Variants in PRDM6 observed in about 807,000 individuals in gnomAD.
PRDM6 encodes the protein putative histone-lysine N-methyltransferase PRDM6.
Under a neutral mutation model 60.8 loss-of-function variants are expected in PRDM6, and 25 were observed. The observed-to-expected ratio is 0.41, with a 90% CI of 0.30 to 0.57. The LOEUF (loss-of-function observed/expected upper bound fraction) is 0.57, where lower values mean the gene tolerates loss of function less well. Ranked by LOEUF, PRDM6 falls within the 20% of genes least tolerant of loss-of-function variation. PRDM6 has a pLI of 0.27. For synonymous variants in PRDM6, 407 were observed against 357.4 expected (o/e 1.14, Z -1.57); for missense variants, 839 against 821.3 (o/e 1.02, Z -0.26).
intron 3 of PRDM6, among the ~76,000 whole-genome samples, chr5:123,127,133 G>A (rs1400980495): frequency 6.6e-6 from 1 of 151,930 alleles, no homozygotes; most frequent in Non-Finnish European, 1.5e-5. Flanking sequence ...CACCTCTTAG[G>A]TTCAAGTGAT....
At chr5:123,132,481 T>C (rs1394846270) in intron 3 of PRDM6, among the ~76,000 whole-genome samples, 1 of 152,126 alleles carries the variant, frequency 6.6e-6, no homozygotes, top group Non-Finnish European at 1.5e-5. Context: ...ATAAGCGCTT[T>C]CTAATGGGTT....
intron 3 of PRDM6, among the ~76,000 whole-genome samples, chr5:123,143,121 A>G (rs986477764): frequency 2.7e-5 from 4 of 147,038 alleles, no homozygotes; most frequent in Non-Finnish European, 4.6e-5. Context: ...TTTATCTGAA[A>G]GTATGGGATT....
At chr5:123,117,725 C>A (rs189191) in intron 3 of PRDM6, among the ~76,000 whole-genome samples, 32,309 of 152,104 alleles carry the variant, frequency 0.21, 3,828 homozygotes, top group South Asian at 0.39. Flanking sequence ...CAAAGAGCAG[C>A]CACGGAGTGT....
chr5:123,090,019 T>C lies in PRDM6; in HGVS notation c.5T>C (p.Leu2Pro). 2 of 1,547,272 alleles carry C rather than the reference T, an allele frequency of 1.3e-6. No homozygotes were observed. The highest frequency in any genetic ancestry group is 1.7e-6 in the Non-Finnish European group (2 of 1,145,446). Residue 2 changes from leucine to proline, a missense_variant, in exon 2 of 8, where the codon CTG becomes CCG. Physicochemically the swap from Leu to Pro is moderately conservative, Grantham distance 98. Transcript: ENST00000407847. ...CCCCAGTTCGAGGCGCCGGACATGC[T>C]GAAGCCCGGAGACCCCGGCGGTTCG... is the stretch of plus-strand genomic sequence containing the variant. MLKPGDPGGSAF... is the reference protein window; with the variant it reads MPKPGDPGGSAF...
chr5:123,108,269 C>T (rs1042748460), intron 3 of PRDM6, among the ~76,000 whole-genome samples: 84 of 152,126 alleles, frequency 5.5e-4, no homozygotes, highest in African/African-American at 1.9e-3. Context: ...TCAGTAGAAA[C>T]GTCTTAAGTG....
chr5:123,174,670 C>T (rs566204815), intron 6 of PRDM6, among the ~76,000 whole-genome samples: 12 of 152,202 alleles, frequency 7.9e-5, no homozygotes, highest in African/African-American at 2.9e-4. Context: ...AAGTCTATGC[C>T]TTGATATAAA....
At chr5:123,111,557 G>A (rs895129803) in intron 3 of PRDM6, among the ~76,000 whole-genome samples, 1 of 152,186 alleles carries the variant, frequency 6.6e-6, no homozygotes, top group Non-Finnish European at 1.5e-5. Flanking sequence ...AATTGTCCGG[G>A]TGTGGTGACG....
intron 3 of PRDM6, among the ~76,000 whole-genome samples, chr5:123,118,969 A>C (rs966357675): frequency 6.6e-6 from 1 of 152,170 alleles, no homozygotes; most frequent in African/African-American, 2.4e-5. Flanking sequence ...GCTCTTATGC[A>C]TCCTTCCACA....
chr5:123,143,333 G>T (rs1223500423), intron 3 of PRDM6, among the ~76,000 whole-genome samples: 2 of 152,104 alleles, frequency 1.3e-5, no homozygotes, highest in Non-Finnish European at 2.9e-5. Flanking sequence ...CGACGTAAGA[G>T]ATTTCATCCA....
intron 3 of PRDM6, among the ~76,000 whole-genome samples, chr5:123,105,462 T>C (rs1764181898): frequency 1.3e-5 from 2 of 152,224 alleles, no homozygotes; most frequent in Admixed American, 1.3e-4. Context: ...TTTGAGAATA[T>C]CTATTGTGTT....
intron 6 of PRDM6, among the ~76,000 whole-genome samples, chr5:123,175,023 G>A (rs1217453936): frequency 6.7e-6 from 1 of 150,040 alleles, no homozygotes; most frequent in Non-Finnish European, 1.5e-5. Flanking sequence ...AACATTTGGG[G>A]TTTTGCATAA....
intron 3 of PRDM6, among the ~76,000 whole-genome samples, chr5:123,129,415 G>C (rs958278079): frequency 6.6e-6 from 1 of 152,112 alleles, no homozygotes; most frequent in African/African-American, 2.4e-5. Flanking sequence ...TCTTCCATTT[G>C]TTAGCGTCCT....
At chr5:123,112,591 C>A (rs1764337736) in intron 3 of PRDM6, among the ~76,000 whole-genome samples, 1 of 152,158 alleles carries the variant, frequency 6.6e-6, no homozygotes, top group Admixed American at 6.5e-5. Flanking sequence ...GTATCCCGCA[C>A]TGATCTGTCT....
At chr5:123,137,494 AAGT>A (rs1554088006) in intron 3 of PRDM6, among the ~76,000 whole-genome samples, 2 of 152,180 alleles carry the variant, frequency 1.3e-5, no homozygotes, top group Non-Finnish European at 2.9e-5. Context: ...AAAGTGTGGT[AAGT>A]TGTTGTATTT....
intron 2 of PRDM6, among the ~76,000 whole-genome samples, chr5:123,096,871 T>G (rs997401480): frequency 1.3e-5 from 2 of 152,172 alleles, no homozygotes; most frequent in Non-Finnish European, 2.9e-5. Context: ...GAAGTGTGCT[T>G]TTTGTCTATG....
chr5:123,154,910 C>G (rs1765457862), intron 3 of PRDM6, among the ~76,000 whole-genome samples: 1 of 152,154 alleles, frequency 6.6e-6, no homozygotes, highest in African/African-American at 2.4e-5. Context: ...GGCCCCAGGA[C>G]TGGGAGTGAC....
At chr5:123,186,728 C>T (rs746373416) in intron 7 of PRDM6, among the ~76,000 whole-genome samples, 6 of 152,222 alleles carry the variant, frequency 3.9e-5, no homozygotes, top group Non-Finnish European at 8.8e-5. Flanking sequence ...ATCAATTTCT[C>T]TTTGGGGTTA....
At chr5:123,136,787 C>CT (rs1764963570) in intron 3 of PRDM6, among the ~76,000 whole-genome samples, 1 of 152,140 alleles carries the variant, frequency 6.6e-6, no homozygotes. Context: ...TCCGTCTTTA[C>CT]TTTCCATATT....
chr5:123,096,917 C>T (rs62375307), intron 2 of PRDM6, among the ~76,000 whole-genome samples: 7,996 of 151,978 alleles, frequency 0.053, 221 homozygotes, highest in Middle Eastern at 0.095. Context: ...ATGCTGATGT[C>T]GTTGATGGGA....
Sources: gnomAD v4.1 joint callset for allele counts (sites outside exome capture counted in the v4.1 genomes callset) on GRCh38, gnomAD v4.1.1 for gene constraint, MANE v1.5 for transcripts, NCBI Gene and HGNC (gene_info 2026-07-23, HGNC 2026-07-21) for gene names.